MAD1L1: variants seen among roughly 807,000 people sequenced by gnomAD.
The protein encoded by MAD1L1 is mitotic spindle assembly checkpoint protein MAD1.
Under a neutral mutation model 96.9 loss-of-function variants are expected in MAD1L1, and 95 were observed. The observed-to-expected ratio is 0.98, with a 90% CI of 0.83 to 1.16. MAD1L1 has a LOEUF of 1.16. Among genes scored for constraint, MAD1L1 ranks in the 50% most tolerant of loss-of-function variants. The pLI, the probability that MAD1L1 is intolerant of heterozygous loss-of-function variation, is 0.00. For missense variants in MAD1L1, 1,007 were observed against 954.4 expected, an observed-to-expected ratio of 1.06 and a Z score of -0.73; for synonymous variants, 473 against 396.6, an observed-to-expected ratio of 1.19 and a Z score of -2.29.
chr7:1,926,219 C>T (rs1789080527), intron 17 of MAD1L1, among the ~76,000 whole-genome samples: 1 of 152,192 alleles, frequency 6.6e-6, no homozygotes. Context: ...CAACATTCAG[C>T]TGAGATGAAA....
chr7:1,970,911 G>A (rs1007520946), intron 15 of MAD1L1, among the ~76,000 whole-genome samples: 7 of 152,112 alleles, frequency 4.6e-5, no homozygotes, highest in South Asian at 2.1e-4. Context: ...ACCACCGCCC[G>A]CCCTTGGTAC....
intron 10 of MAD1L1, among the ~76,000 whole-genome samples, chr7:2,184,562 C>A (rs73289712): frequency 1.3e-5 from 2 of 152,144 alleles, no homozygotes; most frequent in Admixed American, 6.5e-5. Context: ...TGGGTGCTCA[C>A]TCGAGAGAAT....
At chr7:2,035,309 C>T (rs866940613) in intron 12 of MAD1L1, among the ~76,000 whole-genome samples, 3 of 144,062 alleles carry the variant, frequency 2.1e-5, no homozygotes, top group East Asian at 2.0e-4. Context: ...CAGGCATGAG[C>T]GCAGGAGCAC....
chr7:1,902,752 A>G (rs1171860308), intron 17 of MAD1L1, among the ~76,000 whole-genome samples: 11 of 152,318 alleles, frequency 7.2e-5, no homozygotes, highest in African/African-American at 2.4e-4. Flanking sequence ...ACCGTTCCAG[A>G]AAGCAAGGAC....
chr7:1,829,124 C>T (rs988843234), intron 18 of MAD1L1, among the ~76,000 whole-genome samples: 10 of 152,244 alleles, frequency 6.6e-5, no homozygotes, highest in African/African-American at 2.2e-4. Context: ...GGCGACGTCA[C>T]ATGGCCTGAC....
chr7:1,847,235 C>T (rs1476875899), intron 18 of MAD1L1: 4 of 470,628 alleles, frequency 8.5e-6, no homozygotes, highest in Non-Finnish European at 1.8e-5. Context: ...GACGCTTGTC[C>T]TTTTCTGTTT....
At chr7:2,155,396 A>G (rs1250675572) in intron 10 of MAD1L1, among the ~76,000 whole-genome samples, 3 of 152,228 alleles carry the variant, frequency 2.0e-5, no homozygotes, top group Non-Finnish European at 4.4e-5. Context: ...TTATTGGGCA[A>G]CCAGCACCAC....
At chr7:1,823,117 GGAAAAGTCACA>G (rs1434919518) in intron 18 of MAD1L1, among the ~76,000 whole-genome samples, 3 of 152,014 alleles carry the variant, frequency 2.0e-5, no homozygotes, top group African/African-American at 4.8e-5. Context: ...TAATCGATAC[GGAAAAGTCACA>G]GAAAAGTCAC....
intron 18 of MAD1L1, among the ~76,000 whole-genome samples, chr7:1,867,758 C>A (rs1010534050): frequency 6.6e-6 from 1 of 152,226 alleles, no homozygotes. Context: ...GGAGGTGACA[C>A]AGTCCCTCAT....
intron 18 of MAD1L1, among the ~76,000 whole-genome samples, chr7:1,876,480 T>A (rs28705934): frequency 0.3 from 45,335 of 151,552 alleles, 8,119 homozygotes; most frequent in African/African-American, 0.5. Flanking sequence ...CACCAGCCCT[T>A]CAGAGACACA....
intron 13 of MAD1L1, among the ~76,000 whole-genome samples, chr7:2,007,968 C>T (rs1782108655): frequency 6.6e-6 from 1 of 152,202 alleles, no homozygotes; most frequent in Admixed American, 6.5e-5. Context: ...ACAGACACAG[C>T]AACTGCAGGA....
At chr7:1,860,171 T>C (rs1314079754) in intron 18 of MAD1L1, among the ~76,000 whole-genome samples, 1 of 131,696 alleles carries the variant, frequency 7.6e-6, no homozygotes, top group Non-Finnish European at 1.6e-5. Context: ...TGTGACATCC[T>C]GCGGGGCGGC....
At chr7:1,889,829 C>T (rs1786426735) in intron 18 of MAD1L1, among the ~76,000 whole-genome samples, 1 of 152,232 alleles carries the variant, frequency 6.6e-6, no homozygotes, top group African/African-American at 2.4e-5. Flanking sequence ...CTAATTCCTT[C>T]CCCTCACCCC....
chr7:2,110,025 G>A (rs1411260833), intron 11 of MAD1L1, among the ~76,000 whole-genome samples: 2 of 152,380 alleles, frequency 1.3e-5, no homozygotes, highest in African/African-American at 4.8e-5. Flanking sequence ...GGCCGGAGGT[G>A]GCCATGAGGC....
intron 12 of MAD1L1, among the ~76,000 whole-genome samples, chr7:2,045,750 G>A (rs562860499): frequency 6.6e-6 from 1 of 152,188 alleles, no homozygotes; most frequent in African/African-American, 2.4e-5. Flanking sequence ...GGGGAGGGGA[G>A]CGGGACATGG....
intron 15 of MAD1L1, among the ~76,000 whole-genome samples, chr7:1,978,569 C>A (rs895255468): frequency 6.6e-6 from 1 of 152,176 alleles, no homozygotes; most frequent in East Asian, 1.9e-4. Flanking sequence ...AAAGAGACTG[C>A]ATGCTCACCA....
chr7:2,230,194 T>G (rs1794123978), intron 2 of MAD1L1, 51 bp from the exon 3 acceptor site: 1 of 1,491,528 alleles, frequency 6.7e-7, no homozygotes, highest in Non-Finnish European at 9.1e-7. Context: ...CCACGTGCCA[T>G]CAGCCGTGCA....
At chr7:1,847,757 T>A in intron 18 of MAD1L1, 1 of 467,150 alleles carries the variant, frequency 2.1e-6, no homozygotes. Context: ...CGGAACACAC[T>A]TGCTGCGTGC....
intron 16 of MAD1L1, among the ~76,000 whole-genome samples, chr7:1,939,254 G>A (rs1014235599): frequency 2.1e-5 from 3 of 143,068 alleles, no homozygotes; most frequent in Non-Finnish European, 4.6e-5. Context: ...GGCCAGGGCC[G>A]GGACCAGAGG....
Sources: allele counts gnomAD v4.1 joint callset (sites outside exome capture counted in the v4.1 genomes callset), GRCh38; gene constraint gnomAD v4.1.1; transcripts MANE v1.5; gene names NCBI Gene and HGNC (gene_info 2026-07-23, HGNC 2026-07-21).